The following CR1 variants were observed in gnomAD, a reference collection of about 807,000 sequenced individuals.
CR1 encodes the protein complement C3b/C4b receptor 1 (Knops blood group).
In CR1, 116 loss-of-function variants were observed where a neutral mutation model predicts 187.3. The ratio of observed to expected loss-of-function variants is 0.62; its 90% CI spans 0.53 to 0.72. The LOEUF is 0.72. Ranked by LOEUF, CR1 falls within the 30% of genes least tolerant of loss-of-function variation. CR1 has a pLI of 0.00. For synonymous variants in CR1, 576 were observed against 747.1 expected (o/e 0.77, Z 3.73); for missense variants, 1,731 against 2,110.7 (o/e 0.82, Z 3.52).
chr1:207,582,676 T>TGTTGGCCCAGGATA (rs1469462994), intron 32 of CR1, among the ~76,000 whole-genome samples: 4 of 152,152 alleles, frequency 2.6e-5, no homozygotes, highest in Non-Finnish European at 5.9e-5. Flanking sequence ...TAATCAGAGA[T>TGTTGGCCCAGGATA]GTTGGCCCAG....
chr1:207,574,141 A>G (rs1242982771), intron 27 of CR1, among the ~76,000 whole-genome samples: 1 of 152,124 alleles, frequency 6.6e-6, no homozygotes, highest in African/African-American at 2.4e-5. Context: ...CAAAAAAGGA[A>G]AAAGAGAAGA....
In CR1 at chr1:207,617,507, A is replaced by ATATATATATATATATGTGTGTG. The variant is rs1332301171; in HGVS notation, c.6890-563_6890-562insATATATATATATATGTGTGTGT. Reference sequence around the variant, plus strand: ...AGTATATATATATATATATATATATATGTGTGTGTGTGTGTGTGTGTGTGT... The same window carrying ATATATATATATATATGTGTGTG: ...AGTATATATATATATATATATATATATATATATATATATATGTGTGTGTGTGTGTGTGTGTGTGTGTGTGTGT... On this transcript the variant is annotated intron_variant, in intron 41 of 46. Transcript: ENST00000367049. Among the ~76,000 whole-genome samples the ATATATATATATATATGTGTGTG allele has an allele frequency of 2.1e-3, 101 of 46,994 alleles. 2 individuals are homozygous for ATATATATATATATATGTGTGTG. The highest frequency in any genetic ancestry group is 4.2e-3 in the Non-Finnish European group (86 of 20,648). The allele number at this position is 46,994 out of a possible 152,430, so 30.8% of individuals were successfully genotyped here. A position where few individuals can be genotyped will look rare whatever the true frequency, so the allele number is the denominator to read the frequency against.
At chr1:207,634,714 G>A (rs1662759185) in intron 46 of CR1, among the ~76,000 whole-genome samples, 1 of 152,172 alleles carries the variant, frequency 6.6e-6, no homozygotes, top group Non-Finnish European at 1.5e-5. Flanking sequence ...GGCTGGGGAA[G>A]CACGTGGATA....
chr1:207,580,459 C>A (rs767752356), intron 30 of CR1, 43 bp downstream of exon 30: 1 of 1,606,774 alleles, frequency 6.2e-7, no homozygotes, highest in Admixed American at 1.7e-5. Flanking sequence ...CTTTACCCCA[C>A]ACATGGAGGT....
chr1:207,566,614 A>C (rs1660506197), intron 24 of CR1, among the ~76,000 whole-genome samples: 1 of 150,294 alleles, frequency 6.7e-6, no homozygotes, highest in South Asian at 2.1e-4. Flanking sequence ...AACATTAGAC[A>C]GGGTGAGCAG....
chr1:207,639,249 C>G, intron 46 of CR1, 148 bp from the exon 47 acceptor site: 5 of 643,756 alleles, frequency 7.8e-6, no homozygotes, highest in Non-Finnish European at 1.3e-5. Flanking sequence ...ACATTTCCCT[C>G]CAAATGTTCT....
chr1:207,498,877 CAA>C (rs56044498), intron 1 of CR1, among the ~76,000 whole-genome samples: 633 of 50,100 alleles, frequency 0.013, 19 homozygotes, highest in African/African-American at 0.038. Context: ...AACTCCAAAT[CAA>C]AAAAAAAAAA....
Position 207,526,078 on chromosome 1 carries a change from C to T in CR1, c.887-675C>T, listed in dbSNP as rs560936253. Among the ~76,000 whole-genome samples the T allele has an allele frequency of 6.6e-5, 10 of 152,050 alleles. 1 individual carries two copies. Among genetic ancestry groups the T allele is most frequent in the South Asian group, 2.1e-4 (1 of 4,830 alleles). On this transcript the variant is annotated intron_variant, in intron 5 of 46. Coordinates refer to ENST00000367049, the MANE Select transcript of CR1 (RefSeq NM_000651.6). ...CCAGCGCTGCCCTTACAATATGTTG[C>T]GTAAATATACACTCTCATCATGGTG...
chr1:207,608,865 A>G (rs150092958), intron 36 of CR1, among the ~76,000 whole-genome samples: 3 of 152,056 alleles, frequency 2.0e-5, no homozygotes, highest in African/African-American at 7.2e-5. Context: ...CCATTATTTC[A>G]TTTCTCATGC....
At position 207,523,533 on chromosome 1, in the gene CR1, A is replaced by G. The variant is rs1329565421; in HGVS notation, c.488-78A>G. The stretch of plus-strand genomic sequence containing the variant: ...GCAAATAATGAATGTAAAAATAGCT[A>G]TAGTTTAGTGACTCATGAGATTTCT... On this transcript the variant is annotated intron_variant, in intron 4 of 46. Coordinates refer to ENST00000367049, the MANE Select transcript of CR1 (RefSeq NM_000651.6). 21 of 1,585,174 alleles carry G rather than the reference A, an allele frequency of 1.3e-5. No homozygotes were observed. The East Asian group carries it at 1.4e-4, about 10-fold the overall frequency.
intron 35 of CR1, among the ~76,000 whole-genome samples, chr1:207,602,692 CATATAG>C (rs759281261): frequency 5.9e-5 from 9 of 151,830 alleles, no homozygotes; most frequent in African/African-American, 1.2e-4. Flanking sequence ...GAGAGATATA[CATATAG>C]ATATAGATAG....
chr1:207,606,707 A>G (rs1199756427), intron 35 of CR1, among the ~76,000 whole-genome samples: 2 of 152,162 alleles, frequency 1.3e-5, no homozygotes, highest in Non-Finnish European at 2.9e-5. Flanking sequence ...GCTTTAAGGT[A>G]AAGTGGGTGA....
chr1:207,620,449 G>C (rs929442801), intron 43 of CR1, among the ~76,000 whole-genome samples: 1 of 152,228 alleles, frequency 6.6e-6, no homozygotes, highest in African/African-American at 2.4e-5. Context: ...AGCTAGCACA[G>C]CTGGATAGAG....
intron 33 of CR1, among the ~76,000 whole-genome samples, 169 bp downstream of exon 33, chr1:207,585,045 G>A (rs1424398094): frequency 6.6e-6 from 1 of 152,144 alleles, no homozygotes; most frequent in Admixed American, 6.6e-5. Flanking sequence ...GCAGCGCCAA[G>A]GTATGTTTGA....
chr1:207,634,411 G>A (rs1662748396), intron 46 of CR1, among the ~76,000 whole-genome samples: 1 of 152,188 alleles, frequency 6.6e-6, no homozygotes, highest in Non-Finnish European at 1.5e-5. Context: ...AAATATGCTA[G>A]TCAAGAAGTG....
intron 1 of CR1, among the ~76,000 whole-genome samples, chr1:207,497,874 T>G (rs1659140064): frequency 6.6e-6 from 1 of 152,236 alleles, no homozygotes; most frequent in South Asian, 2.1e-4. Context: ...GAAATTTTGT[T>G]GCTGACATAA....
chr1:207,515,818 T>G (rs1049293748), intron 4 of CR1, among the ~76,000 whole-genome samples: 4 of 152,198 alleles, frequency 2.6e-5, no homozygotes, highest in Non-Finnish European at 4.4e-5. Context: ...GTGGCTTTTC[T>G]TTTTTCCTTC....
intron 3 of CR1, among the ~76,000 whole-genome samples, chr1:207,509,399 T>C (rs1187570343): frequency 6.6e-6 from 1 of 152,226 alleles, no homozygotes; most frequent in Non-Finnish European, 1.5e-5. Context: ...TGAGACTCCC[T>C]GGCTCCCCTT....
chr1:207,544,851 C>A (rs1335185887), intron 13 of CR1, among the ~76,000 whole-genome samples: 1 of 100,048 alleles, frequency 1.0e-5, no homozygotes, highest in African/African-American at 4.2e-5. Context: ...TTTGTTGCAC[C>A]AGTGTGATAG....
Sources: gnomAD v4.1 joint callset for allele counts (sites outside exome capture counted in the v4.1 genomes callset) on GRCh38, gnomAD v4.1.1 for gene constraint, MANE v1.5 for transcripts, NCBI Gene and HGNC (gene_info 2026-07-23, HGNC 2026-07-21) for gene names.